Variants in TAS1R3 observed in about 807,000 individuals in gnomAD.
TAS1R3 encodes the protein taste 1 receptor member 3.
TAS1R3 carries 58 observed loss-of-function variants against 46.1 expected under a neutral mutation model. The ratio of observed to expected loss-of-function variants is 1.26; its 90% CI spans 1.02 to 1.57. The LOEUF (loss-of-function observed/expected upper bound fraction) is 1.57, where lower values mean the gene tolerates loss of function less well. Ranked by LOEUF, TAS1R3 falls within the 40% of genes most tolerant of loss-of-function variation. The pLI is 0.00. For missense variants in TAS1R3, 1,422 were observed against 1,185.8 expected, an observed-to-expected ratio of 1.20 and a Z score of -2.93; for synonymous variants, 724 against 544.7, an observed-to-expected ratio of 1.33 and a Z score of -4.58.
rs1022801093 is a variant in TAS1R3 at position 1,332,313 on chromosome 1, A to G, written c.782A>G (p.His261Arg). Residue 261 changes from histidine to arginine, a missense_variant, in exon 3 of 6, where the codon CAC (histidine) becomes CGC (arginine). By Grantham distance (29) the His-to-Arg change is conservative. Transcript: ENST00000339381. Reference sequence around the variant, plus strand: ...CTGGGGAAGGTGCAGGACGTCCTGCACCAGGTGAACCAGAGCAGCGTGCAG... The same window carrying G: ...CTGGGGAAGGTGCAGGACGTCCTGCGCCAGGTGAACCAGAGCAGCGTGCAG... ...SRLGKVQDVL[H>R]QVNQSSVQVV... The G allele has an allele frequency of 3.1e-6, 5 of 1,605,382 alleles. No individual in the cohort carries two copies. The highest frequency in any genetic ancestry group is 2.2e-5 in the East Asian group (1 of 44,684).
At position 1,333,357 on chromosome 1, in the gene TAS1R3, G is replaced by C; in HGVS notation, c.1578G>C (p.Ala526=). 6.2e-7 allele frequency: 1 copy of C among 1,610,926 alleles called. No individual in the cohort carries two copies. Among genetic ancestry groups the C allele is most frequent in the Admixed American group, 1.7e-5 (1 of 59,784 alleles). ...SCCYDCVDCE[A]GSYRQNPDDI... ...GCTACGACTGTGTGGACTGCGAGGC[G>C]GGCAGCTACCGGCAAAACCCAGGTG... The change falls in exon 5 of 6, where the codon GCG becomes GCC. Residue 526 remains alanine, a synonymous_variant. Coordinates refer to ENST00000339381, the MANE Select transcript of TAS1R3 (RefSeq NM_152228.3).
At position 1,332,684 on chromosome 1, in the gene TAS1R3, C is replaced by A. The variant is rs762316985; in HGVS notation, c.1153C>A (p.Leu385Ile). Residue 385 changes from leucine to isoleucine, a missense_variant, in exon 3 of 6, where the codon CTA becomes ATA. Physicochemically the swap from Leu to Ile is conservative, Grantham distance 5. Coordinates refer to ENST00000339381, the MANE Select transcript of TAS1R3 (RefSeq NM_152228.3). ...CITLQNVSAG[L>I]NHHQTFSVYA... ...CACGCTGCAGAACGTGAGCGCAGGG[C>A]TAAATCACCACCAGACGTTCTCTGT... 1 of 1,604,988 alleles carries A rather than the reference C, an allele frequency of 6.2e-7. No individual in the cohort carries two copies. The highest frequency in any genetic ancestry group is 8.5e-7 in the Non-Finnish European group (1 of 1,179,612).
rs147600530 is a variant in TAS1R3, at chr1:1,332,630, G to T, written c.1099G>T (p.Gly367Cys). The change falls in exon 3 of 6, where the codon GGC becomes TGC. Residue 367 changes from glycine to cysteine, a missense_variant. Coordinates refer to ENST00000339381, the MANE Select transcript of TAS1R3 (RefSeq NM_152228.3). ...REQGLEEDVV[G>C]QRCPQCDCIT... ...GCAGGGTCTGGAGGAGGACGTGGTGGGCCAGCGCTGCCCGCAGTGTGACTG... is the reference window on the plus strand; with the variant it reads ...GCAGGGTCTGGAGGAGGACGTGGTGTGCCAGCGCTGCCCGCAGTGTGACTG... The T allele has an allele frequency of 2.5e-3, 3,947 of 1,609,142 alleles. 99 individuals carry two copies. In the African/African-American group the frequency reaches 0.047, roughly 19 times the overall value.
Position 1,334,441 on chromosome 1 carries a change from G to A in TAS1R3, c.2536G>A (p.Gly846Arg), listed in dbSNP as rs368525536. The change falls in exon 6 of 6, where the codon GGA becomes AGA. Residue 846 changes from glycine to arginine, a missense_variant. Coordinates refer to ENST00000339381, the MANE Select transcript of TAS1R3 (RefSeq NM_152228.3). The stretch of plus-strand genomic sequence containing the variant: ...CCAAGGCCAGAATGACGGGAACACA[G>A]GAAATCAGGGGAAACATGAGTGACC... ...DAQGQNDGNT[G>R]NQGKHE The A allele has an allele frequency of 1.9e-6, 3 of 1,578,626 alleles. No homozygotes were observed. Among genetic ancestry groups the A allele is most frequent in the Non-Finnish European group, 2.6e-6 (3 of 1,159,884 alleles).
In TAS1R3 at chr1:1,332,643, C is replaced by T. The variant is rs540746617; in HGVS notation, c.1112C>T (p.Pro371Leu). Residue 371 changes from proline (P) to leucine (L), a missense_variant, in exon 3 of 6, where the codon CCG (proline) becomes CTG (leucine). By Grantham distance (98) the Pro-to-Leu change is moderately conservative. Transcript: ENST00000339381. ...GAGGACGTGGTGGGCCAGCGCTGCC[C>T]GCAGTGTGACTGCATCACGCTGCAG... ...LEEDVVGQRCPQCDCITLQNV... is the reference protein window; with the variant it reads ...LEEDVVGQRCLQCDCITLQNV... 4.2e-5 allele frequency: 68 copies of T among 1,608,228 alleles called. No individual in the cohort carries two copies. In the Admixed American group the frequency reaches 6.8e-4, roughly 16 times the overall value.
chr1:1,333,913 G>A lies in TAS1R3; in HGVS notation c.2008G>A (p.Asp670Asn), dbSNP rs1376288396. 8 of 1,600,980 alleles carry A rather than the reference G, an allele frequency of 5.0e-6. No individual in the cohort carries two copies. The highest frequency in any genetic ancestry group is 1.1e-5 in the South Asian group (1 of 91,068). The change falls in exon 6 of 6, where the codon GAC becomes AAC. Residue 670 changes from aspartate (D) to asparagine (N), a missense_variant. By Grantham distance (23) the Asp-to-Asn change is conservative. Transcript: ENST00000339381. ...GTCAGAACTGCCTCTGAGCTGGGCA[G>A]ACCGGCTGAGTGGCTGCCTGCGGGG... is the stretch of plus-strand genomic sequence containing the variant. ...VESELPLSWA[D>N]RLSGCLRGPW...
In TAS1R3 at chr1:1,334,524, A is replaced by G. The variant is rs1306437539; in HGVS notation, c.*60A>G. 1.4e-6 allele frequency: 2 copies of G among 1,439,606 alleles called. No individual in the cohort carries two copies. The highest frequency in any genetic ancestry group is 1.8e-6 in the Non-Finnish European group (2 of 1,094,560). 89.2% of individuals were successfully genotyped at this position (1,439,606 alleles called of 1,614,324 possible). On this transcript the variant is annotated 3_prime_UTR_variant, in exon 6 of 6. Coordinates refer to ENST00000339381, the MANE Select transcript of TAS1R3 (RefSeq NM_152228.3). ...ACTTAGCTGCGATCCCCCCCAAGCC[A>G]GCAATGACCCGTGTCTCGCTACAGA... is the stretch of plus-strand genomic sequence containing the variant.
In TAS1R3 at chr1:1,331,757, C is replaced by G. The variant is rs138687954; in HGVS notation, c.311C>G (p.Ser104Trp). ...RLGYDLFDTC[S>W]EPVVAMKPSL... ...GGCTACGACCTCTTTGATACGTGCT[C>G]GGAGCCTGTGGTGGCCATGAAGCCC... Residue 104 changes from serine (S) to tryptophan (W), a missense_variant, in exon 2 of 6, where the codon TCG becomes TGG. Ser to Trp is a radical substitution (Grantham distance 177). Transcript: ENST00000339381. The G allele has an allele frequency of 1.9e-6, 3 of 1,612,928 alleles. No homozygotes were observed. The highest frequency in any genetic ancestry group is 1.7e-5 in the Admixed American group (1 of 60,036).
rs1168045200 is a variant in TAS1R3 at position 1,331,690 on chromosome 1, G to A, written c.244G>A (p.Glu82Lys). ...ACTGGCCATGAAAATGGCCGTGGAG[G>A]AGATCAACAACAAGTCGGATCTGCT... ...WALAMKMAVE[E>K]INNKSDLLPG... Residue 82 changes from glutamate (E) to lysine (K), a missense_variant, in exon 2 of 6, where the codon GAG becomes AAG. Glu to Lys is a moderately conservative substitution (Grantham distance 56). Coordinates refer to ENST00000339381, the MANE Select transcript of TAS1R3 (RefSeq NM_152228.3). The A allele has an allele frequency of 3.7e-6, 6 of 1,612,790 alleles. No homozygotes were observed. The highest frequency in any genetic ancestry group is 2.2e-5 in the South Asian group (2 of 91,082).
rs528566692 is a variant in TAS1R3 at position 1,334,175 on chromosome 1, G to A, written c.2270G>A (p.Cys757Tyr). The A allele has an allele frequency of 9.8e-5, 156 of 1,595,690 alleles. No individual in the cohort carries two copies. The highest frequency in any genetic ancestry group is 2.3e-4 in the African/African-American group (17 of 74,768). The part of the protein sequence containing the change: ...GTFLVRSQPG[C>Y]YNRARGLTFA... ...TTCCTGGTGCGGAGCCAGCCGGGCT[G>A]CTACAACCGTGCCCGTGGCCTCACC... Residue 757 changes from cysteine (C) to tyrosine (Y), a missense_variant, in exon 6 of 6, where the codon TGC becomes TAC. Cys to Tyr is a radical substitution (Grantham distance 194). Transcript: ENST00000339381.
Position 1,332,190 on chromosome 1 carries a change from G to C in TAS1R3, c.659G>C (p.Arg220Pro). ...CTGGGCAGCGACGACGAGTACGGCC[G>C]GCAGGGCCTGAGCATCTTCTCGGCC... Reference protein sequence around the residue: ...AALGSDDEYGRQGLSIFSALA... With the variant: ...AALGSDDEYGPQGLSIFSALA... The change falls in exon 3 of 6, where the codon CGG becomes CCG. Residue 220 changes from arginine (R) to proline (P), a missense_variant. Arg to Pro is a moderately radical substitution (Grantham distance 103). Coordinates refer to ENST00000339381, the MANE Select transcript of TAS1R3 (RefSeq NM_152228.3). The C allele has an allele frequency of 3.1e-6, 5 of 1,595,492 alleles. No individual in the cohort carries two copies. The highest frequency in any genetic ancestry group is 1.1e-5 in the South Asian group (1 of 90,656).
At position 1,331,764 on chromosome 1, in the gene TAS1R3, T is replaced by C. The variant is rs752362134; in HGVS notation, c.318T>C (p.Pro106=). Reference sequence around the variant, plus strand: ...ACCTCTTTGATACGTGCTCGGAGCCTGTGGTGGCCATGAAGCCCAGCCTCA... The same window carrying C: ...ACCTCTTTGATACGTGCTCGGAGCCCGTGGTGGCCATGAAGCCCAGCCTCA... The part of the protein sequence containing the change: ...GYDLFDTCSE[P]VVAMKPSLMF... Residue 106 remains proline (P), a synonymous_variant, in exon 2 of 6, where the codon CCT becomes CCC. Transcript: ENST00000339381. The C allele has an allele frequency of 1.2e-6, 2 of 1,612,756 alleles. No individual in the cohort carries two copies. The highest frequency in any genetic ancestry group is 1.7e-6 in the Non-Finnish European group (2 of 1,180,028).
Position 1,331,958 on chromosome 1 carries a change from A to AAACCCCC in TAS1R3, c.492+20_492+21insAACCCCC. On this transcript the variant is annotated intron_variant, in intron 2 of 5. Coordinates refer to ENST00000339381, the MANE Select transcript of TAS1R3 (RefSeq NM_152228.3). Reference sequence around the variant, plus strand: ...CCCCAGGTGGGCGCCCCCCACCATCACCCACCCCCACCCAGCCCTGCCCGT... The same window carrying AAACCCCC: ...CCCCAGGTGGGCGCCCCCCACCATCAAACCCCCCCCACCCCCACCCAGCCCTGCCCGT... The AAACCCCC allele has an allele frequency of 8.4e-6, 13 of 1,538,952 alleles. No homozygotes were observed. The highest frequency in any genetic ancestry group is 1.1e-5 in the Non-Finnish European group (13 of 1,141,540).
intron 4 of TAS1R3, 41 bp from the exon 5 acceptor site, chr1:1,333,218 A>G (rs765207344): frequency 6.3e-7 from 1 of 1,594,610 alleles, no homozygotes. Context: ...TCCCGTGGGC[A>G]TGCCCAGCCG....
chr1:1,332,258 G>C lies in TAS1R3; in HGVS notation c.727G>C (p.Val243Leu), dbSNP rs750334661. 5 of 1,598,154 alleles carry C rather than the reference G, an allele frequency of 3.1e-6. No individual in the cohort carries two copies. The highest frequency in any genetic ancestry group is 1.7e-5 in the Admixed American group (1 of 59,400). The change falls in exon 3 of 6, where the codon GTG (valine) becomes CTG (leucine). Residue 243 changes from valine (V) to leucine (L), a missense_variant. Val to Leu is a conservative substitution (Grantham distance 32, BLOSUM62 1). Transcript: ENST00000339381. ...CATCTGCATCGCGCACGAGGGCCTG[G>C]TGCCGCTGCCCCGTGCCGATGACTC... Reference protein sequence around the residue: ...RGICIAHEGLVPLPRADDSRL... With the variant: ...RGICIAHEGLLPLPRADDSRL...
rs1478077899 is a variant in TAS1R3, at chr1:1,332,017, C to T, written c.493-7C>T. The T allele has an allele frequency of 1.2e-6, 2 of 1,610,516 alleles. No homozygotes were observed. Among genetic ancestry groups the T allele is most frequent in the Admixed American group, 3.3e-5 (2 of 59,970 alleles). On this transcript the variant is annotated splice_polypyrimidine_tract_variant and splice_region_variant and intron_variant, in intron 2 of 5. Transcript: ENST00000339381. ...CTGTGTCAGGAGATGCCTCTTGGCC[C>T]TTGCAGGTCAGCTACGGTGCTAGCA...
In TAS1R3 at chr1:1,333,367, C is replaced by T. The variant is rs201407678; in HGVS notation, c.1588C>T (p.Arg530Trp). Residue 530 changes from arginine (R) to tryptophan (W), a missense_variant, in exon 5 of 6, where the codon CGG (arginine) becomes TGG (tryptophan). Arg to Trp is a moderately radical substitution (Grantham distance 101, BLOSUM62 -3). Transcript: ENST00000339381. ...DCVDCEAGSY[R>W]QNPDDIACTF... ...TGTGGACTGCGAGGCGGGCAGCTACCGGCAAAACCCAGGTGAGCCGCCTTC... is the reference window on the plus strand; with the variant it reads ...TGTGGACTGCGAGGCGGGCAGCTACTGGCAAAACCCAGGTGAGCCGCCTTC... The T allele has an allele frequency of 4.0e-5, 64 of 1,611,250 alleles. 1 individual carries two copies. The African/African-American group carries it at 5.1e-4, about 13-fold the overall frequency.
rs755885714 is a variant in TAS1R3, at chr1:1,333,351, C to T, written c.1572C>T (p.Cys524=). ...CCTGCTGCTACGACTGTGTGGACTG[C>T]GAGGCGGGCAGCTACCGGCAAAACC... The part of the protein sequence containing the change: ...FHSCCYDCVD[C]EAGSYRQNPD... Residue 524 remains cysteine (C), a synonymous_variant, in exon 5 of 6, where the codon TGC becomes TGT. Transcript: ENST00000339381. 27 of 1,610,046 alleles carry T rather than the reference C, an allele frequency of 1.7e-5. No individual in the cohort carries two copies. Among genetic ancestry groups the T allele is most frequent in the East Asian group, 6.7e-5 (3 of 44,766 alleles).
Position 1,334,180 on chromosome 1 carries a change from A to G in TAS1R3, c.2275A>G (p.Asn759Asp). The G allele has an allele frequency of 6.3e-7, 1 of 1,598,400 alleles. No homozygotes were observed. The highest frequency in any genetic ancestry group is 8.5e-7 in the Non-Finnish European group (1 of 1,172,790). The stretch of plus-strand genomic sequence containing the variant: ...GGTGCGGAGCCAGCCGGGCTGCTAC[A>G]ACCGTGCCCGTGGCCTCACCTTTGC... ...FLVRSQPGCY[N>D]RARGLTFAML... The change falls in exon 6 of 6, where the codon AAC becomes GAC. Residue 759 changes from asparagine to aspartate, a missense_variant. Physicochemically the swap from Asn to Asp is conservative, Grantham distance 23. Transcript: ENST00000339381.
Sources: gnomAD v4.1 joint callset for allele counts on GRCh38, gnomAD v4.1.1 for gene constraint, MANE v1.5 for transcripts, NCBI Gene and HGNC (gene_info 2026-07-23, HGNC 2026-07-21) for gene names.